Variants in PPTC7 observed in about 807,000 individuals in gnomAD.
PPTC7 encodes protein phosphatase PTC7 homolog.
Under a neutral mutation model 30.8 loss-of-function variants are expected in PPTC7, and 6 were observed. The ratio of observed to expected loss-of-function variants is 0.19; its 90% CI spans 0.11 to 0.38. PPTC7 has a LOEUF of 0.38. Among genes scored for constraint, PPTC7 ranks in the 10% least tolerant of loss-of-function variants. PPTC7 has a pLI of 1.00. For synonymous variants in PPTC7, 163 were observed against 168.1 expected, an observed-to-expected ratio of 0.97 and a Z score of 0.23; for missense variants, 218 against 404.8, an observed-to-expected ratio of 0.54 and a Z score of 3.96.
chr12:110,572,862 T>C (rs1444045787), intron 1 of PPTC7, among the ~76,000 whole-genome samples: 1 of 151,270 alleles, frequency 6.6e-6, no homozygotes, highest in Non-Finnish European at 1.5e-5. Context: ...CGTAATCTTT[T>C]TTAAGTTTTT....
Position 110,534,228 on chromosome 12 carries a change from A to G in PPTC7, c.*2809T>C, listed in dbSNP as rs1487934392. On this transcript the variant is annotated 3_prime_UTR_variant, in exon 6 of 6. Transcript: ENST00000354300. ...AAACAACAAAATAAAAATTTCAAGC[A>G]TGTGATAAAAATATTGATTTTTATA... The G allele has an allele frequency of 6.6e-6, 1 of 152,304 alleles. No individual in the cohort carries two copies. Among genetic ancestry groups the G allele is most frequent in the African/African-American group, 2.4e-5 (1 of 41,556 alleles). 9.4% of individuals were successfully genotyped at this position (152,304 alleles called of 1,614,324 possible). A position where few individuals can be genotyped will look rare whatever the true frequency, so the allele number is the denominator to read the frequency against.
chr12:110,539,861 C>G lies in PPTC7; in HGVS notation c.687G>C (p.Met229Ile), dbSNP rs770914303. The G allele has an allele frequency of 6.2e-7, 1 of 1,613,956 alleles. No individual in the cohort carries two copies. Among genetic ancestry groups the G allele is most frequent in the Non-Finnish European group, 8.5e-7 (1 of 1,179,884 alleles). The change falls in exon 4 of 6, where the codon ATG (methionine) becomes ATC (isoleucine). Residue 229 changes from methionine to isoleucine, a missense_variant. Met to Ile is a conservative substitution (Grantham distance 10). Transcript: ENST00000354300. The part of the protein sequence containing the change: ...LTATDGLFDN[M>I]PDYMILQELK... The stretch of plus-strand genomic sequence containing the variant: ...GCTCCTGAAGAATCATATAATCAGG[C>G]ATGTTGTCAAAGAGTCCATCTGTTG...
intron 1 of PPTC7, among the ~76,000 whole-genome samples, chr12:110,572,837 T>G (rs61942622): frequency 0.061 from 9,290 of 152,268 alleles, 387 homozygotes; most frequent in Non-Finnish European, 0.091. Flanking sequence ...TATATAACCT[T>G]TCTGGAGGAC....
chr12:110,553,703 C>T (rs2064365771), intron 1 of PPTC7, among the ~76,000 whole-genome samples: 1 of 152,098 alleles, frequency 6.6e-6, no homozygotes, highest in Admixed American at 6.5e-5. Context: ...TGCTTGAGCC[C>T]CAGTGGTTGG....
At chr12:110,557,277 G>A (rs571822064) in intron 1 of PPTC7, among the ~76,000 whole-genome samples, 2 of 152,132 alleles carry the variant, frequency 1.3e-5, no homozygotes, top group Non-Finnish European at 2.9e-5. Context: ...TGACTTAGTA[G>A]TAGTTTTGTT....
intron 1 of PPTC7, among the ~76,000 whole-genome samples, chr12:110,563,233 T>A (rs115532856): frequency 1.5e-3 from 222 of 151,208 alleles, no homozygotes; most frequent in African/African-American, 5.2e-3. Context: ...CAAGACTACG[T>A]CAAGAACAAG....
Position 110,582,883 on chromosome 12 carries a change from C to T in PPTC7, c.149G>A (p.Gly50Asp), listed in dbSNP as rs1461185106. Reference protein sequence around the residue: ...GCGFGKDFRKGLLKKGACYGD... With the variant: ...GCGFGKDFRKDLLKKGACYGD... ...GTAGCACGCGCCCTTCTTGAGGAGG[C>T]CCTTACGGAAGTCCTTCCCGAAGCC... Residue 50 changes from glycine to aspartate, a missense_variant, in exon 1 of 6, where the codon GGC becomes GAC. Transcript: ENST00000354300. 1 of 1,555,690 alleles carries T rather than the reference C, an allele frequency of 6.4e-7. No homozygotes were observed. The highest frequency in any genetic ancestry group is 1.2e-5 in the South Asian group (1 of 84,718).
intron 1 of PPTC7, among the ~76,000 whole-genome samples, chr12:110,576,087 C>G (rs1380477890): frequency 1.3e-5 from 2 of 152,090 alleles, no homozygotes; most frequent in Non-Finnish European, 2.9e-5. Context: ...TTCCTAAACC[C>G]TGCTATTTCA....
At chr12:110,574,541 G>T (rs1378941838) in intron 1 of PPTC7, among the ~76,000 whole-genome samples, 1 of 152,054 alleles carries the variant, frequency 6.6e-6, no homozygotes, top group Non-Finnish European at 1.5e-5. Flanking sequence ...TCCTGTTAGA[G>T]ATTTTATTCA....
intron 1 of PPTC7, among the ~76,000 whole-genome samples, chr12:110,568,547 T>C (rs1425658653): frequency 6.6e-6 from 1 of 152,174 alleles, no homozygotes; most frequent in African/African-American, 2.4e-5. Context: ...CCACCACGCC[T>C]GGCCCTCATG....
rs2064201226 is a variant in PPTC7 at position 110,534,240 on chromosome 12, TATTG to T, written c.*2793_*2796del. The T allele has an allele frequency of 6.6e-6, 1 of 152,016 alleles. No homozygotes were observed. Among genetic ancestry groups the T allele is most frequent in the Non-Finnish European group, 1.5e-5 (1 of 68,016 alleles). The allele number at this position is 152,016 out of a possible 1,614,324, so 9.4% of individuals were successfully genotyped here. ...AAAAATTTCAAGCATGTGATAAAAATATTGATTTTTATAATACAGTATTGCTTTA... is the reference window on the plus strand; with the variant it reads ...AAAAATTTCAAGCATGTGATAAAAATATTTTTATAATACAGTATTGCTTTA... On this transcript the variant is annotated 3_prime_UTR_variant, in exon 6 of 6. Coordinates refer to ENST00000354300, the MANE Select transcript of PPTC7 (RefSeq NM_139283.2).
At chr12:110,579,900 C>T (rs567183556) in intron 1 of PPTC7, among the ~76,000 whole-genome samples, 22 of 152,160 alleles carry the variant, frequency 1.4e-4, no homozygotes, top group African/African-American at 4.8e-4. Context: ...GTAATCCCAG[C>T]TACTCAGGTG....
intron 1 of PPTC7, among the ~76,000 whole-genome samples, chr12:110,571,496 G>A (rs1456995447): frequency 6.6e-6 from 1 of 152,110 alleles, no homozygotes; most frequent in Non-Finnish European, 1.5e-5. Context: ...AGATTGTAAT[G>A]ACAACACAAG....
chr12:110,537,064 A>C lies in PPTC7; in HGVS notation c.888T>G (p.Leu296=), dbSNP rs1386654108. 6.2e-7 allele frequency: 1 copy of C among 1,613,180 alleles called. No individual in the cohort carries two copies. ...GGKPDDITVL[L]SIVAEYTD ...AGTCTGTATACTCAGCCACTATTGA[A>C]AGAAGGACGGTGATGTCATCTGGCT... The change falls in exon 6 of 6, where the codon CTT becomes CTG. Residue 296 remains leucine (L), a synonymous_variant. Transcript: ENST00000354300.
intron 3 of PPTC7, among the ~76,000 whole-genome samples, chr12:110,544,217 A>T (rs897049248): frequency 6.6e-6 from 1 of 152,238 alleles, no homozygotes; most frequent in East Asian, 1.9e-4. Flanking sequence ...TTTTACTGCT[A>T]AATTTTTAGA....
At chr12:110,557,620 G>A (rs776297448) in intron 1 of PPTC7, among the ~76,000 whole-genome samples, 10 of 152,154 alleles carry the variant, frequency 6.6e-5, no homozygotes, top group Admixed American at 1.3e-4. Context: ...GGTTAACAAC[G>A]ATAATAAAAC....
At chr12:110,548,090 G>A (rs1207976868) in intron 2 of PPTC7, among the ~76,000 whole-genome samples, 1 of 150,510 alleles carries the variant, frequency 6.6e-6, no homozygotes, top group Non-Finnish European at 1.5e-5. Context: ...ATGGGCAACA[G>A]TGCAAGACTC....
At chr12:110,577,195 C>T (rs190253859) in intron 1 of PPTC7, among the ~76,000 whole-genome samples, 108 of 146,422 alleles carry the variant, frequency 7.4e-4, no homozygotes, top group African/African-American at 2.6e-3. Flanking sequence ...AAAATTCACT[C>T]AGGGTCATAT....
intron 1 of PPTC7, among the ~76,000 whole-genome samples, chr12:110,576,813 A>G (rs1185108006): frequency 3.3e-5 from 5 of 152,178 alleles, no homozygotes; most frequent in African/African-American, 1.2e-4. Context: ...AAACTACTGA[A>G]CTGTACACTT....
Sources: allele counts gnomAD v4.1 joint callset (sites outside exome capture counted in the v4.1 genomes callset), GRCh38; gene constraint gnomAD v4.1.1; transcripts MANE v1.5; gene names NCBI Gene and HGNC (gene_info 2026-07-23, HGNC 2026-07-21).